TENM2: variants seen among roughly 807,000 people sequenced by gnomAD.
The protein encoded by TENM2 is teneurin transmembrane protein 2, also known as teneurin-2.
Under a neutral mutation model 245.2 loss-of-function variants are expected in TENM2, and 52 were observed. That is an observed-to-expected ratio of 0.21 (90% CI 0.17 to 0.27). The LOEUF (loss-of-function observed/expected upper bound fraction) is 0.27. TENM2 is among the 10% of genes least tolerant of loss of function. The pLI is 1.00. For synonymous variants in TENM2, 1,363 were observed against 1,438.9 expected (o/e 0.95, Z 1.19); for missense variants, 3,046 against 3,666.8 (o/e 0.83, Z 4.37).
chr5:167,056,536 C>CTA, the TENM2 span, among the ~76,000 whole-genome samples: 1 of 132,716 alleles, frequency 7.5e-6, no homozygotes, highest in Non-Finnish European at 1.6e-5. Context: ...ATCTATATAT[C>CTA]TATAAAATAT....
chr5:167,705,064 A>C (rs1162499485), intron 2 of TENM2, among the ~76,000 whole-genome samples: 9 of 152,188 alleles, frequency 5.9e-5, no homozygotes, highest in Non-Finnish European at 1.5e-5. Context: ...GGAATAACTG[A>C]GGAGAGAAAG....
Position 167,306,312 on chromosome 5 carries a change from C to G in TENM2, c.226+21249C>G, listed in dbSNP as rs186187615. On this transcript the variant is annotated intron_variant, in intron 1 of 28. Coordinates refer to ENST00000518659, the Ensembl canonical transcript of TENM2. Reference sequence around the variant, plus strand: ...GAGCAGTGGGTCCGGCACTGTTGTACTTTATCTCAAACCAGATGGTCTTCT... The same window carrying G: ...GAGCAGTGGGTCCGGCACTGTTGTAGTTTATCTCAAACCAGATGGTCTTCT... 10 of 152,294 alleles carry G rather than the reference C, an allele frequency of 6.6e-5. No individual in the cohort carries two copies. The East Asian group carries it at 1.9e-3, about 29-fold the overall frequency. The allele number at this position is 152,294 out of a possible 1,614,324, so 9.4% of individuals were successfully genotyped here. A position where few individuals can be genotyped will look rare whatever the true frequency, so the allele number is the denominator to read the frequency against.
chr5:167,247,315 C>T, the TENM2 span, among the ~76,000 whole-genome samples: 1 of 152,190 alleles, frequency 6.6e-6, no homozygotes, highest in African/African-American at 2.4e-5. Flanking sequence ...CCATCCCAAA[C>T]AGCCTTTACA....
intron 2 of TENM2, among the ~76,000 whole-genome samples, chr5:167,841,061 AT>A (rs34558112): frequency 1.1e-4 from 16 of 147,924 alleles, no homozygotes; most frequent in African/African-American, 3.0e-4. Flanking sequence ...TGTCATCCTC[AT>A]TTTTTTTTTT....
chr5:168,030,152 C>T (rs1296860588), intron 5 of TENM2, among the ~76,000 whole-genome samples: 7 of 97,756 alleles, frequency 7.2e-5, no homozygotes, highest in South Asian at 4.3e-4. Context: ...AAGTCTGGTT[C>T]TGGCTCTTTT....
intron 25 of TENM2, among the ~76,000 whole-genome samples, chr5:168,230,050 A>AAGTGGCTAT (rs1221414671): frequency 6.6e-6 from 1 of 152,212 alleles, no homozygotes; most frequent in Non-Finnish European, 1.5e-5. Context: ...CCCTAAAATA[A>AAGTGGCTAT]AGTGGCTATA....
chr5:167,901,463 G>T (rs111354310), intron 3 of TENM2, among the ~76,000 whole-genome samples: 4 of 152,286 alleles, frequency 2.6e-5, no homozygotes, highest in African/African-American at 9.6e-5. Context: ...GAACCAGCAC[G>T]CAGTGACACT....
At chr5:168,241,687 G>A (rs1390974555) in intron 25 of TENM2, among the ~76,000 whole-genome samples, 1 of 152,106 alleles carries the variant, frequency 6.6e-6, no homozygotes, top group East Asian at 1.9e-4. Context: ...TCTGCCACTT[G>A]TCTAGTTATG....
chr5:168,250,791 C>T (rs1767045862), intron 27 of TENM2, among the ~76,000 whole-genome samples: 1 of 152,188 alleles, frequency 6.6e-6, no homozygotes, highest in Non-Finnish European at 1.5e-5. Flanking sequence ...CCCCGCTTAC[C>T]CCATGCTTAG....
intron 1 of TENM2, among the ~76,000 whole-genome samples, chr5:167,348,086 C>T (rs934372060): frequency 2.0e-5 from 3 of 152,128 alleles, no homozygotes; most frequent in Non-Finnish European, 2.9e-5. Flanking sequence ...GCGTGTTGTT[C>T]GGGAACATCT....
intron 2 of TENM2, among the ~76,000 whole-genome samples, chr5:167,474,098 C>G (rs1378260995): frequency 2.6e-5 from 4 of 152,018 alleles, no homozygotes; most frequent in African/African-American, 9.7e-5. Flanking sequence ...CCCCACTTAC[C>G]CAATGATGAA....
At chr5:167,143,651 G>A in the TENM2 span, among the ~76,000 whole-genome samples, 2 of 152,134 alleles carry the variant, frequency 1.3e-5, no homozygotes, top group African/African-American at 4.8e-5. Flanking sequence ...TTGAAGTCTG[G>A]AGACTTGCTG....
intron 2 of TENM2, among the ~76,000 whole-genome samples, chr5:167,391,181 T>A (rs1156766358): frequency 2.6e-5 from 4 of 152,194 alleles, no homozygotes; most frequent in Non-Finnish European, 5.9e-5. Context: ...TGAAATTTTT[T>A]TTAACATTTT....
intron 2 of TENM2, among the ~76,000 whole-genome samples, chr5:167,721,711 G>T (rs868050901): frequency 5.9e-5 from 9 of 152,090 alleles, no homozygotes; most frequent in African/African-American, 2.2e-4. Flanking sequence ...CCACCTCAGG[G>T]CTCTTAACCT....
intron 11 of TENM2, among the ~76,000 whole-genome samples, chr5:168,126,355 A>T (rs1167450365): frequency 6.6e-6 from 1 of 152,126 alleles, no homozygotes; most frequent in South Asian, 2.1e-4. Context: ...AGCTTTGCCA[A>T]ACTGGTTGGA....
chr5:168,072,046 C>T (rs1262383141), intron 7 of TENM2, among the ~76,000 whole-genome samples: 1 of 152,182 alleles, frequency 6.6e-6, no homozygotes, highest in East Asian at 1.9e-4. Context: ...GGACACACCC[C>T]CAGTTTGCTC....
At chr5:168,171,941 C>T (rs981606692) in intron 13 of TENM2, among the ~76,000 whole-genome samples, 5 of 152,332 alleles carry the variant, frequency 3.3e-5, no homozygotes, top group Non-Finnish European at 5.9e-5. Context: ...TGCCATCCCC[C>T]GGTCTCTGTG....
chr5:167,913,679 G>A (rs1014993006), intron 3 of TENM2, among the ~76,000 whole-genome samples: 1 of 152,246 alleles, frequency 6.6e-6, no homozygotes, highest in South Asian at 2.1e-4. Flanking sequence ...AGACAGAAAG[G>A]ACAGAGGGGT....
intron 3 of TENM2, among the ~76,000 whole-genome samples, chr5:167,914,814 C>T (rs1217672671): frequency 6.6e-6 from 1 of 152,168 alleles, no homozygotes; most frequent in East Asian, 1.9e-4. Context: ...CTCTCTCTGC[C>T]TGTGTGGTCA....
Sources: allele counts gnomAD v4.1 joint callset (sites outside exome capture counted in the v4.1 genomes callset), GRCh38; gene constraint gnomAD v4.1.1; transcripts MANE v1.5; gene names NCBI Gene and HGNC (gene_info 2026-07-23, HGNC 2026-07-21).